LRCH2: variants seen among roughly 807,000 people sequenced by gnomAD.
LRCH2 encodes the protein leucine rich repeats and calponin homology domain containing 2.
Under a neutral mutation model 68.9 loss-of-function variants are expected in LRCH2, and 38 were observed. The ratio of observed to expected loss-of-function variants is 0.55; its 90% CI spans 0.43 to 0.72. The LOEUF is 0.72. Ranked by LOEUF, LRCH2 falls within the 30% of genes least tolerant of loss-of-function variation. LRCH2 has a pLI of 0.00. For synonymous variants in LRCH2, 191 were observed against 208.1 expected, an observed-to-expected ratio of 0.92 and a Z score of 0.71; for missense variants, 528 against 572.9, an observed-to-expected ratio of 0.92 and a Z score of 0.80.
chrX:115,120,754 A>G (rs1228419906), intron 20 of LRCH2, among the ~76,000 whole-genome samples: 2 of 102,756 alleles, frequency 1.9e-5, no homozygotes, highest in South Asian at 9.6e-4. Context: ...CACAATAGCA[A>G]AGACTTGGAA....
rs139811580 is a variant in LRCH2 at position 115,134,600 on chromosome X, C to T, written c.1696-4401G>A. On this transcript the variant is annotated intron_variant, in intron 14 of 20. Coordinates refer to ENST00000317135, the MANE Select transcript of LRCH2 (RefSeq NM_020871.4). ...GTGCTTTATAAATAGACCTGCAAAG[C>T]CTGGATGACAGCACATCTGTTTACA... Among the ~76,000 whole-genome samples, 115 of 111,881 alleles carry T rather than the reference C, an allele frequency of 1.0e-3. No individual in the cohort carries two copies. The Middle Eastern group carries it at 0.014, about 13-fold the overall frequency.
intron 14 of LRCH2, among the ~76,000 whole-genome samples, chrX:115,149,064 A>G (rs2072411480): frequency 8.9e-6 from 1 of 111,732 alleles, no homozygotes; most frequent in South Asian, 3.7e-4. Context: ...TCATCTAATA[A>G]TAATTAGGCT....
intron 14 of LRCH2, among the ~76,000 whole-genome samples, chrX:115,147,757 C>T (rs1437296319): frequency 9.0e-6 from 1 of 111,251 alleles, no homozygotes; most frequent in African/African-American, 3.3e-5. Context: ...TACTGTAAAA[C>T]GTTTTTTAAA....
At chrX:115,184,375 G>C in intron 3 of LRCH2, 36 bp downstream of exon 3, 3 of 1,010,990 alleles carry the variant, frequency 3.0e-6, no homozygotes, top group Middle Eastern at 2.9e-4. Context: ...GATATATTAC[G>C]CATATTGCAT....
At chrX:115,164,226 T>C (rs2072541265) in intron 10 of LRCH2, among the ~76,000 whole-genome samples, 1 of 111,757 alleles carries the variant, frequency 8.9e-6, no homozygotes, top group African/African-American at 3.2e-5. Context: ...AAAATCTGTA[T>C]ATGTCTAAAT....
At chrX:115,188,100 A>C (rs940105235) in intron 2 of LRCH2, 126 bp downstream of exon 2, 28 of 476,148 alleles carry the variant, frequency 5.9e-5, no homozygotes, top group Non-Finnish European at 8.6e-5. Flanking sequence ...ACATATAAAA[A>C]ACACAAATAA....
Position 115,122,785 on chromosome X carries a change from C to A in LRCH2, c.2075G>T (p.Ser692Ile), listed in dbSNP as rs1347861930. Residue 692 changes from serine to isoleucine, a missense_variant, in exon 19 of 21, where the codon AGT (serine) becomes ATT (isoleucine). Coordinates refer to ENST00000317135, the MANE Select transcript of LRCH2 (RefSeq NM_020871.4). The part of the protein sequence containing the change: ...ANHIRPRSVA[S>I]IHVPSPAVPK... ...CACTGCTGGTGATGGTACATGAATA[C>A]TAGCAACAGAACGTGGCCTTATATG... 1 of 1,210,936 alleles carries A rather than the reference C, an allele frequency of 8.3e-7. No homozygotes were observed. Among genetic ancestry groups the A allele is most frequent in the African/African-American group, 1.7e-5 (1 of 57,774 alleles).
intron 12 of LRCH2, among the ~76,000 whole-genome samples, chrX:115,152,271 A>G (rs997692362): frequency 1.8e-5 from 2 of 111,700 alleles, no homozygotes; most frequent in Admixed American, 9.6e-5. Flanking sequence ...GTCCCAAAAT[A>G]TCAAATTATT....
In LRCH2 at chrX:115,191,126, C is replaced by G. The variant is rs1370102285; in HGVS notation, c.350-2756G>C. On this transcript the variant is annotated intron_variant, in intron 1 of 20. Coordinates refer to ENST00000317135, the MANE Select transcript of LRCH2 (RefSeq NM_020871.4). The stretch of plus-strand genomic sequence containing the variant: ...GAGTACCGAGGCCGCTCGCATGACG[C>G]CCACAGTGGGGGCTGCTCTGCCGAC... 8 of 1,165,407 alleles carry G rather than the reference C, an allele frequency of 6.9e-6. No individual in the cohort carries two copies. In the East Asian group the frequency reaches 2.3e-4, roughly 33 times the overall value.
At chrX:115,214,638 G>A (rs2073029916) in intron 1 of LRCH2, among the ~76,000 whole-genome samples, 1 of 112,180 alleles carries the variant, frequency 8.9e-6, no homozygotes. Flanking sequence ...TAACAATTAT[G>A]ATAAACAATA....
rs1556551809 is a variant in LRCH2 at position 115,179,529 on chromosome X, G to C, written c.762C>G (p.Phe254Leu). 8.7e-7 allele frequency: 1 copy of C among 1,143,414 alleles called. No individual in the cohort carries two copies. Among genetic ancestry groups the C allele is most frequent in the Admixed American group, 2.9e-5 (1 of 34,770 alleles). The allele number at this position is 1,143,414 out of a possible 1,213,427, so 94.2% of individuals were successfully genotyped here. ...LGDLPLVKLD[F>L]SCNKVTEIPV... ...GAATTTCGGTCACTTTATTACAAGA[G>C]AAATCCAGCTTGACTAAGGGAAGGT... Residue 254 changes from phenylalanine (F) to leucine (L), a missense_variant, in exon 5 of 21, where the codon TTC becomes TTG. By Grantham distance (22) the Phe-to-Leu change is conservative. Coordinates refer to ENST00000317135, the MANE Select transcript of LRCH2 (RefSeq NM_020871.4).
chrX:115,183,810 C>T (rs1169674262), intron 3 of LRCH2, among the ~76,000 whole-genome samples: 2 of 112,389 alleles, frequency 1.8e-5, no homozygotes, highest in African/African-American at 6.5e-5. Context: ...TGAAAAATAG[C>T]TGAAAGCTTC....
chrX:115,130,252 C>A, intron 14 of LRCH2, 53 bp from the exon 15 acceptor site: 1 of 633,184 alleles, frequency 1.6e-6, no homozygotes, highest in Non-Finnish European at 2.3e-6. Flanking sequence ...TATAAATTCT[C>A]TACTAGTAAA....
At chrX:115,173,295 T>C (rs1174991006) in intron 5 of LRCH2, among the ~76,000 whole-genome samples, 1 of 111,780 alleles carries the variant, frequency 8.9e-6, no homozygotes, top group Non-Finnish European at 1.9e-5. Context: ...CTGCAGCATC[T>C]GCCTCGATAA....
At chrX:115,189,334 C>A (rs2072759861) in intron 1 of LRCH2, 9 of 831,754 alleles carry the variant, frequency 1.1e-5, no homozygotes, top group Middle Eastern at 3.8e-4. Context: ...GAGACATCCA[C>A]CCCCCCAACC....
chrX:115,165,302 G>A (rs1261637096), intron 10 of LRCH2, 103 bp downstream of exon 10: 1 of 557,942 alleles, frequency 1.8e-6, no homozygotes, highest in Admixed American at 4.2e-5. Context: ...TAAGAGGTAA[G>A]TGAACAAAAA....
At chrX:115,125,736 T>C (rs946802154) in intron 16 of LRCH2, among the ~76,000 whole-genome samples, 2 of 101,601 alleles carry the variant, frequency 2.0e-5, no homozygotes, top group South Asian at 8.9e-4. Context: ...ACACAGATCA[T>C]AAAATCATAT....
chrX:115,184,432 C>T lies in LRCH2; in HGVS notation c.600G>A (p.Lys200=). 8.5e-7 allele frequency: 1 copy of T among 1,177,480 alleles called. No homozygotes were observed. The change falls in exon 3 of 21, where the codon AAG becomes AAA. Residue 200 remains lysine, a synonymous_variant. Transcript: ENST00000317135. ...KLVSIPEEIG[K]LKDLMELDIS... ...TCACCAATTCCATTAAATCTTTTAA[C>T]TTCCCAATTTCTTCTGGAATGGATA...
intron 14 of LRCH2, among the ~76,000 whole-genome samples, chrX:115,149,213 G>T (rs1556537558): frequency 9.0e-6 from 1 of 111,069 alleles, no homozygotes; most frequent in African/African-American, 3.3e-5. Context: ...CTAATGATTG[G>T]CTTCTACAAA....
Sources: allele counts gnomAD v4.1 joint callset (sites outside exome capture counted in the v4.1 genomes callset), GRCh38; gene constraint gnomAD v4.1.1; transcripts MANE v1.5; gene names NCBI Gene and HGNC (gene_info 2026-07-23, HGNC 2026-07-21).